Variants in HCFC2 observed in about 807,000 individuals in gnomAD.
HCFC2 encodes host cell factor 2.
HCFC2 carries 18 observed loss-of-function variants against 89.2 expected under a neutral mutation model. The ratio of observed to expected loss-of-function variants is 0.20; its 90% CI spans 0.14 to 0.30. HCFC2 has a LOEUF of 0.30. Among genes scored for constraint, HCFC2 ranks in the 10% least tolerant of loss-of-function variants. The probability of loss-of-function intolerance (pLI) is 1.00; values close to 1 mark genes in which losing one functional copy is unlikely to be tolerated. For synonymous variants in HCFC2, 308 were observed against 335.7 expected (o/e 0.92, Z 0.90); for missense variants, 578 against 956.1 (o/e 0.60, Z 5.21).
At chr12:104,067,857 A>C in intron 2 of HCFC2, 90 bp from the exon 3 acceptor site, 1 of 1,215,654 alleles carries the variant, frequency 8.2e-7, no homozygotes, top group Non-Finnish European at 1.1e-6. Context: ...GATTTAGATT[A>C]AAATGTATTG....
chr12:104,083,733 A>T (rs554000995), intron 7 of HCFC2, among the ~76,000 whole-genome samples: 4 of 152,284 alleles, frequency 2.6e-5, no homozygotes, highest in Middle Eastern at 3.4e-3. Flanking sequence ...ATTTTAAAAA[A>T]ATATATTAGA....
At chr12:104,101,817 T>C in intron 13 of HCFC2, 151 bp from the exon 14 acceptor site, 1 of 465,214 alleles carries the variant, frequency 2.1e-6, no homozygotes, top group Non-Finnish European at 3.7e-6. Context: ...GTTCATTCCA[T>C]GTGAGAGAGA....
intron 7 of HCFC2, among the ~76,000 whole-genome samples, chr12:104,083,560 A>G (rs1003698525): frequency 7.9e-5 from 12 of 152,208 alleles, no homozygotes; most frequent in African/African-American, 2.9e-4. Context: ...TGAGTTGTCT[A>G]TAGTTGAGTT....
chr12:104,069,616 C>G (rs1883257966), intron 3 of HCFC2, among the ~76,000 whole-genome samples: 1 of 150,866 alleles, frequency 6.6e-6, no homozygotes, highest in East Asian at 1.9e-4. Flanking sequence ...CCTGCTGCTC[C>G]ATCCATGCTG....
At chr12:104,096,245 G>A in intron 11 of HCFC2, 115 bp from the exon 12 acceptor site, 1 of 602,220 alleles carries the variant, frequency 1.7e-6, no homozygotes. Context: ...AAAATTTGCT[G>A]TCTTAGCCAT....
chr12:104,081,781 T>C (rs1171601686), intron 5 of HCFC2, among the ~76,000 whole-genome samples: 1 of 151,928 alleles, frequency 6.6e-6, no homozygotes, highest in Non-Finnish European at 1.5e-5. Flanking sequence ...GGCTCATGCC[T>C]ATAATCCCAG....
intron 4 of HCFC2, 48 bp from the exon 5 acceptor site, chr12:104,080,698 T>A: frequency 8.8e-7 from 1 of 1,132,972 alleles, no homozygotes; most frequent in Non-Finnish European, 1.3e-6. Context: ...GTTGAGGTAA[T>A]TTACTCTTGT....
In HCFC2 at chr12:104,098,395, G is replaced by A; in HGVS notation, c.1793G>A (p.Trp598Ter). Residue 598 changes from tryptophan to a stop codon, truncating the protein, a stop_gained, in exon 13 of 15, where the codon TGG becomes TAG. Coordinates refer to ENST00000229330, the MANE Select transcript of HCFC2 (RefSeq NM_013320.3). LOFTEE classifies it high-confidence loss of function. ...ACAGTGAAAGCGGGAGAACGACAAT[G>A]GTGTGATGTGGGAATTTTTAAAAAT... is the stretch of plus-strand genomic sequence containing the variant. ...VATVKAGERQ[W>*]CDVGIFKNNT... 1.2e-6 allele frequency: 2 copies of A among 1,612,816 alleles called. No individual in the cohort carries two copies. The highest frequency in any genetic ancestry group is 1.7e-6 in the Non-Finnish European group (2 of 1,179,592).
intron 13 of HCFC2, among the ~76,000 whole-genome samples, chr12:104,099,996 T>C (rs577950386): frequency 6.6e-5 from 10 of 152,308 alleles, no homozygotes; most frequent in African/African-American, 2.4e-4. Flanking sequence ...CTAGTCTGAC[T>C]AGCACAAATA....
intron 3 of HCFC2, among the ~76,000 whole-genome samples, chr12:104,073,356 G>C (rs1883395017): frequency 6.6e-6 from 1 of 151,430 alleles, no homozygotes; most frequent in African/African-American, 2.4e-5. Context: ...GTAGAGGCAG[G>C]GTTTCACTTT....
chr12:104,071,048 C>T lies in HCFC2; in HGVS notation c.473+2941C>T, dbSNP rs527792680. 3.3e-4 allele frequency among the ~76,000 whole-genome samples: 50 copies of T among 152,092 alleles called. 3 individuals are homozygous for T. In the South Asian group the frequency reaches 0.01, roughly 31 times the overall value. On this transcript the variant is annotated intron_variant, in intron 3 of 14. Transcript: ENST00000229330. ...GTCTTGATCTCCTGACCTCATCATCCGCCTGCCTCAGCCTACCAAAGTGCT... is the reference window on the plus strand; with the variant it reads ...GTCTTGATCTCCTGACCTCATCATCTGCCTGCCTCAGCCTACCAAAGTGCT...
chr12:104,065,073 C>A, intron 1 of HCFC2: 31 of 196,302 alleles, frequency 1.6e-4, no homozygotes, highest in East Asian at 6.0e-4. Context: ...TGTCAAAAAA[C>A]AAAACCCACT....
intron 7 of HCFC2, 59 bp downstream of exon 7, chr12:104,082,960 C>T (rs571547349): frequency 8.3e-7 from 1 of 1,210,706 alleles, no homozygotes; most frequent in East Asian, 2.4e-5. Flanking sequence ...CAAATGTCTG[C>T]CTTTTGAGAC....
At chr12:104,087,924 T>C in intron 8 of HCFC2, 62 bp from the exon 9 acceptor site, 1 of 881,760 alleles carries the variant, frequency 1.1e-6, no homozygotes, top group Non-Finnish European at 1.7e-6. Context: ...TAAAAATATT[T>C]AATTATATTT....
Position 104,082,693 on chromosome 12 carries a change from G to A in HCFC2, c.875-20G>A. 6.3e-7 allele frequency: 1 copy of A among 1,597,498 alleles called. No individual in the cohort carries two copies. ...TTGTTAAGAACAAAAGATTAGTCAT[G>A]GATATTTCTATCTTTTCAGATACAA... On this transcript the variant is annotated intron_variant, in intron 6 of 14. Coordinates refer to ENST00000229330, the MANE Select transcript of HCFC2 (RefSeq NM_013320.3).
Sources: allele counts gnomAD v4.1 joint callset (sites outside exome capture counted in the v4.1 genomes callset), GRCh38; gene constraint gnomAD v4.1.1; transcripts MANE v1.5; gene names NCBI Gene and HGNC (gene_info 2026-07-23, HGNC 2026-07-21).